DAB1: variants seen among roughly 807,000 people sequenced by gnomAD.
DAB1 encodes DAB adaptor protein 1.
In DAB1, 15 loss-of-function variants were observed where a neutral mutation model predicts 64.6. The observed-to-expected ratio is 0.23, with a 90% CI of 0.16 to 0.36. The LOEUF is 0.36. Ranked by LOEUF, DAB1 falls within the 10% of genes least tolerant of loss-of-function variation. DAB1 has a pLI of 1.00. For synonymous variants in DAB1, 235 were observed against 251.9 expected (o/e 0.93, Z 0.64); for missense variants, 596 against 706.7 (o/e 0.84, Z 1.78).
At chr1:57,583,561 A>G (rs966628304) in intron 7 of DAB1, among the ~76,000 whole-genome samples, 2 of 152,182 alleles carry the variant, frequency 1.3e-5, no homozygotes, top group African/African-American at 4.8e-5. Context: ...CTGGGATTAC[A>G]GGCCTGAGCC....
At chr1:57,741,883 C>A (rs1490083164) in intron 6 of DAB1, among the ~76,000 whole-genome samples, 3 of 152,070 alleles carry the variant, frequency 2.0e-5, no homozygotes, top group Non-Finnish European at 4.4e-5. Flanking sequence ...ACAAGTATAA[C>A]CTGTAATAAG....
At chr1:58,440,472 A>G (rs533714149) in intron 3 of DAB1, among the ~76,000 whole-genome samples, 34 of 152,360 alleles carry the variant, frequency 2.2e-4, no homozygotes, top group African/African-American at 7.9e-4. Flanking sequence ...CTCCTGGCCA[A>G]GGCAAAAATG....
intron 5 of DAB1, among the ~76,000 whole-genome samples, chr1:57,929,243 G>A (rs915968933): frequency 3.3e-5 from 5 of 152,184 alleles, no homozygotes; most frequent in African/African-American, 1.2e-4. Context: ...TCTTTGGTGA[G>A]ATGTATGTAA....
At chr1:58,416,280 C>A (rs1213285660) in intron 3 of DAB1, among the ~76,000 whole-genome samples, 1 of 152,204 alleles carries the variant, frequency 6.6e-6, no homozygotes, top group Non-Finnish European at 1.5e-5. Flanking sequence ...AAGCTCTGAA[C>A]CTATCCCTTC....
chr1:57,154,583 T>C (rs1660033334), intron 2 of DAB1, among the ~76,000 whole-genome samples: 3 of 152,228 alleles, frequency 2.0e-5, no homozygotes, highest in Middle Eastern at 3.2e-3. Flanking sequence ...CTAGATCATA[T>C]TGTAGCTCTA....
chr1:58,205,707 A>T (rs769847186), intron 4 of DAB1, among the ~76,000 whole-genome samples: 1 of 152,218 alleles, frequency 6.6e-6, no homozygotes, highest in Non-Finnish European at 1.5e-5. Flanking sequence ...TGTCATTAAC[A>T]TTCTTTAATT....
At chr1:57,445,962 G>C (rs1686121605) in intron 7 of DAB1, among the ~76,000 whole-genome samples, 1 of 152,156 alleles carries the variant, frequency 6.6e-6, no homozygotes, top group South Asian at 2.1e-4. Flanking sequence ...TTCTGAATCA[G>C]TCTTTCCTTC....
chr1:57,161,297 C>T (rs1660722741), intron 2 of DAB1, among the ~76,000 whole-genome samples: 1 of 152,184 alleles, frequency 6.6e-6, no homozygotes, highest in African/African-American at 2.4e-5. Context: ...TTCCAAGAGG[C>T]TAAGCCTAAT....
chr1:58,057,164 C>T (rs1648173137), intron 5 of DAB1, among the ~76,000 whole-genome samples: 1 of 152,078 alleles, frequency 6.6e-6, no homozygotes, highest in African/African-American at 2.4e-5. Context: ...AAAGTGCCTA[C>T]CACAGTTCTT....
chr1:57,103,865 G>A (rs1169262361), intron 4 of DAB1, among the ~76,000 whole-genome samples: 1 of 152,154 alleles, frequency 6.6e-6, no homozygotes, highest in African/African-American at 2.4e-5. Flanking sequence ...GTCAGTGCAG[G>A]GGAGTGATGT....
intron 5 of DAB1, among the ~76,000 whole-genome samples, chr1:58,020,323 C>T (rs980203214): frequency 3.3e-5 from 5 of 152,188 alleles, no homozygotes; most frequent in African/African-American, 9.7e-5. Context: ...GCTATGGCCA[C>T]CAATACATTA....
rs1020408067 is a variant in DAB1 at position 58,296,403 on chromosome 1, G to A, written n.309+46949C>T. Reference sequence around the variant, plus strand: ...TATGATCCGCTGGCAAAGGCTATGCGCAGAAACATCAAACATCAAACAACA... The same window carrying A: ...TATGATCCGCTGGCAAAGGCTATGCACAGAAACATCAAACATCAAACAACA... On this transcript the variant is annotated intron_variant and non_coding_transcript_variant, in intron 4 of 20. Transcript: ENST00000485760. Among the ~76,000 whole-genome samples the A allele has an allele frequency of 1.1e-4, 16 of 151,968 alleles. No individual in the cohort carries two copies. In the South Asian group the frequency reaches 1.4e-3, roughly 14 times the overall value.
intron 3 of DAB1, among the ~76,000 whole-genome samples, chr1:58,450,194 T>C (rs1281337311): frequency 3.3e-5 from 5 of 152,178 alleles, no homozygotes; most frequent in African/African-American, 1.2e-4. Flanking sequence ...CAAATGATAG[T>C]GGGTGAATCT....
intron 1 of DAB1, among the ~76,000 whole-genome samples, chr1:57,334,338 A>T (rs942710830): frequency 6.6e-6 from 1 of 152,166 alleles, no homozygotes; most frequent in African/African-American, 2.4e-5. Flanking sequence ...TCTGCCATGC[A>T]CTCAGCATGT....
rs115566873 is a variant in DAB1 at position 57,584,574 on chromosome 1, C to T, written n.625+65018G>A. Reference sequence around the variant, plus strand: ...GGCTCGGCACCTCTGCATTCCCTCCCTGGGATATCCTAATGTCTCCCTGAA... The same window carrying T: ...GGCTCGGCACCTCTGCATTCCCTCCTTGGGATATCCTAATGTCTCCCTGAA... On this transcript the variant is annotated intron_variant and non_coding_transcript_variant, in intron 7 of 20. Coordinates refer to the DAB1 transcript ENST00000485760. Among the ~76,000 whole-genome samples, 221 of 152,278 alleles carry T rather than the reference C, an allele frequency of 1.5e-3. 1 individual carries two copies. The highest frequency in any genetic ancestry group is 5.2e-3 in the African/African-American group (215 of 41,552).
chr1:57,844,627 C>A (rs1034920817), intron 1 of DAB1, among the ~76,000 whole-genome samples: 2 of 152,180 alleles, frequency 1.3e-5, no homozygotes, highest in Admixed American at 1.3e-4. Context: ...CTCTCTGGTA[C>A]CTTCTCTGCC....
At chr1:57,018,789 T>G (rs1646516174) in intron 11 of DAB1, among the ~76,000 whole-genome samples, 1 of 152,230 alleles carries the variant, frequency 6.6e-6, no homozygotes, top group Admixed American at 6.5e-5. Context: ...ATGTCTTAGC[T>G]TGGCTATGCG....
At chr1:58,423,507 C>T (rs376658032) in intron 3 of DAB1, among the ~76,000 whole-genome samples, 38 of 152,308 alleles carry the variant, frequency 2.5e-4, no homozygotes, top group East Asian at 2.1e-3. Flanking sequence ...ACTTGCCAAC[C>T]GCACCGTCTG....
chr1:57,475,223 G>A (rs2101219248), intron 7 of DAB1, among the ~76,000 whole-genome samples: 1 of 152,294 alleles, frequency 6.6e-6, no homozygotes, highest in South Asian at 2.1e-4. Flanking sequence ...GTTGCAGTGA[G>A]CTGATATCAT....
Sources: gnomAD v4.1 joint callset for allele counts (sites outside exome capture counted in the v4.1 genomes callset) on GRCh38, gnomAD v4.1.1 for gene constraint, MANE v1.5 for transcripts, NCBI Gene and HGNC (gene_info 2026-07-23, HGNC 2026-07-21) for gene names.